The following MAML2 variants were observed in gnomAD, a reference collection of about 807,000 sequenced individuals.
The protein encoded by MAML2 is mastermind-like protein 2.
In MAML2, 22 loss-of-function variants were observed where a neutral mutation model predicts 96.1. The observed-to-expected ratio is 0.23, with a 90% CI of 0.16 to 0.33. MAML2 has a LOEUF of 0.33. Among genes scored for constraint, MAML2 ranks in the 10% least tolerant of loss-of-function variants. The pLI is 1.00. For synonymous variants in MAML2, 561 were observed against 521.3 expected, an observed-to-expected ratio of 1.08 and a Z score of -1.04; for missense variants, 1,367 against 1,392.4, an observed-to-expected ratio of 0.98 and a Z score of 0.29.
intron 1 of MAML2, among the ~76,000 whole-genome samples, chr11:96,235,451 A>G (rs12275120): frequency 0.079 from 12,100 of 152,206 alleles, 558 homozygotes; most frequent in African/African-American, 0.13. Context: ...CCTGATCTAG[A>G]GGAATGATTT....
chr11:96,318,163 G>C (rs2136009012), intron 1 of MAML2, among the ~76,000 whole-genome samples: 1 of 152,292 alleles, frequency 6.6e-6, no homozygotes, highest in Non-Finnish European at 1.5e-5. Context: ...ATAAAACTGA[G>C]CAGTGTCTAT....
At chr11:95,991,238 G>A (rs1394595140) in intron 3 of MAML2, among the ~76,000 whole-genome samples, 1 of 152,124 alleles carries the variant, frequency 6.6e-6, no homozygotes, top group East Asian at 1.9e-4. Context: ...GGTTTCTTTT[G>A]CCTGATTCAA....
chr11:96,202,649 C>T lies in MAML2; in HGVS notation c.514-109132G>A, dbSNP rs183799931. 3.9e-3 allele frequency among the ~76,000 whole-genome samples: 566 copies of T among 145,768 alleles called. 16 individuals are homozygous for T. The highest frequency in any genetic ancestry group is 0.027 in the East Asian group (132 of 4,964). ...ATGAAATTTTTTTTTTTTTTTGAAA[C>T]GGATTTTCGCTCTTGTCACCCAGGC... is the stretch of plus-strand genomic sequence containing the variant. On this transcript the variant is annotated intron_variant, in intron 1 of 4. Transcript: ENST00000524717.
chr11:96,185,134 C>T (rs1323862578), intron 1 of MAML2, among the ~76,000 whole-genome samples: 1 of 149,946 alleles, frequency 6.7e-6, no homozygotes, highest in Non-Finnish European at 1.5e-5. Context: ...AGAAATGGTC[C>T]ACCGAGGCTG....
At chr11:96,180,576 C>T (rs965569803) in intron 1 of MAML2, among the ~76,000 whole-genome samples, 3 of 152,196 alleles carry the variant, frequency 2.0e-5, no homozygotes, top group Non-Finnish European at 2.9e-5. Flanking sequence ...CTTCATATGA[C>T]TCCAGTCCCT....
At chr11:96,123,375 G>C (rs1260093005) in intron 1 of MAML2, among the ~76,000 whole-genome samples, 1 of 151,932 alleles carries the variant, frequency 6.6e-6, no homozygotes, top group East Asian at 1.9e-4. Flanking sequence ...TCACCTGGGT[G>C]TTCATGGAGT....
In MAML2 at chr11:96,342,313, A is replaced by T. The variant is rs1591142921; in HGVS notation, c.-418T>A. On this transcript the variant is annotated 5_prime_UTR_variant, in exon 1 of 5. Transcript: ENST00000524717. ...GAGACAGAAACACACAGCAAAAGGT[A>T]TTGAGAGAGGTATTAATAGAGAGGA... 2.4e-6 allele frequency: 1 copy of T among 420,718 alleles called. No homozygotes were observed. Among genetic ancestry groups the T allele is most frequent in the African/African-American group, 2.0e-5 (1 of 49,228 alleles). 26.1% of individuals were successfully genotyped at this position (420,718 alleles called of 1,614,324 possible).
chr11:96,333,267 C>A (rs1323452786), intron 1 of MAML2, among the ~76,000 whole-genome samples: 1 of 152,002 alleles, frequency 6.6e-6, no homozygotes, highest in Non-Finnish European at 1.5e-5. Context: ...AACAAAACAA[C>A]CCAACTATGT....
intron 1 of MAML2, among the ~76,000 whole-genome samples, chr11:96,108,898 G>A (rs988802653): frequency 6.6e-6 from 1 of 151,954 alleles, no homozygotes; most frequent in African/African-American, 2.4e-5. Flanking sequence ...GCTATGCATG[G>A]TGGTGGCATC....
At chr11:96,213,214 T>G (rs899378344) in intron 1 of MAML2, among the ~76,000 whole-genome samples, 3 of 152,194 alleles carry the variant, frequency 2.0e-5, no homozygotes, top group Non-Finnish European at 4.4e-5. Context: ...CCATTGGAGC[T>G]CTTAGAACTT....
chr11:96,034,356 G>C (rs1858666057), intron 2 of MAML2, among the ~76,000 whole-genome samples: 1 of 151,082 alleles, frequency 6.6e-6, no homozygotes, highest in Admixed American at 6.6e-5. Context: ...TCCTTTCATT[G>C]CTTCTAAAAC....
chr11:96,315,743 C>T (rs1863622731), intron 1 of MAML2, among the ~76,000 whole-genome samples: 1 of 152,200 alleles, frequency 6.6e-6, no homozygotes, highest in Admixed American at 6.5e-5. Context: ...ATACTTGGCT[C>T]AAAGCCTCCT....
intron 1 of MAML2, among the ~76,000 whole-genome samples, chr11:96,308,524 A>G (rs11021530): frequency 0.077 from 11,703 of 152,246 alleles, 656 homozygotes; most frequent in East Asian, 0.23. Flanking sequence ...ATCATTTCCC[A>G]TACCCAAAAT....
intron 1 of MAML2, among the ~76,000 whole-genome samples, chr11:96,287,886 A>G (rs979612135): frequency 2.6e-5 from 4 of 152,228 alleles, no homozygotes; most frequent in African/African-American, 7.2e-5. Context: ...CTCATAGTTC[A>G]TAAAAGGAAG....
chr11:96,051,154 A>G (rs997984764), intron 2 of MAML2, among the ~76,000 whole-genome samples: 1 of 152,190 alleles, frequency 6.6e-6, no homozygotes, highest in African/African-American at 2.4e-5. Flanking sequence ...CTTAAAATTA[A>G]TTCATCCATC....
At chr11:96,275,444 A>G (rs1272439925) in intron 1 of MAML2, among the ~76,000 whole-genome samples, 3 of 151,696 alleles carry the variant, frequency 2.0e-5, no homozygotes, top group Non-Finnish European at 4.4e-5. Flanking sequence ...CGCCTAGCTA[A>G]TTTTTGTATT....
At chr11:96,157,091 C>A (rs972357848) in intron 1 of MAML2, among the ~76,000 whole-genome samples, 1 of 152,230 alleles carries the variant, frequency 6.6e-6, no homozygotes, top group Non-Finnish European at 1.5e-5. Context: ...AAGGCAGACA[C>A]TACAAGAAGA....
chr11:95,981,344 G>C (rs1292574342), intron 4 of MAML2, among the ~76,000 whole-genome samples: 2 of 152,152 alleles, frequency 1.3e-5, no homozygotes, highest in Non-Finnish European at 2.9e-5. Flanking sequence ...AAATCTTCTT[G>C]ACTTCTGGAG....
chr11:96,075,460 A>T (rs999385156), intron 2 of MAML2, among the ~76,000 whole-genome samples: 3 of 152,144 alleles, frequency 2.0e-5, no homozygotes, highest in Non-Finnish European at 4.4e-5. Context: ...TCCTTCCCAG[A>T]CAGGGCAGGG....
Sources: gnomAD v4.1 joint callset for allele counts (sites outside exome capture counted in the v4.1 genomes callset) on GRCh38, gnomAD v4.1.1 for gene constraint, MANE v1.5 for transcripts, NCBI Gene and HGNC (gene_info 2026-07-23, HGNC 2026-07-21) for gene names.